GRHL2: variants seen among roughly 807,000 people sequenced by gnomAD.
GRHL2 encodes grainyhead-like protein 2 homolog.
Under a neutral mutation model 83.8 loss-of-function variants are expected in GRHL2, and 21 were observed. That is an observed-to-expected ratio of 0.25 (90% CI 0.18 to 0.36). The LOEUF is 0.36. GRHL2 is among the 10% of genes least tolerant of loss of function. The probability of loss-of-function intolerance (pLI) is 1.00; values close to 1 mark genes in which losing one functional copy is unlikely to be tolerated. For missense variants in GRHL2, 623 were observed against 781.8 expected (o/e 0.80, Z 2.42); for synonymous variants, 280 against 278.9 (o/e 1.00, Z -0.04).
intron 2 of GRHL2, among the ~76,000 whole-genome samples, chr8:101,545,869 C>CTTTTTTTTTTTTTT (rs1563573764): frequency 9.0e-6 from 1 of 111,472 alleles, no homozygotes; most frequent in Non-Finnish European, 1.8e-5. Flanking sequence ...CTCTTTGTAA[C>CTTTTTTTTTTTTTT]ATTTTTTTTT....
chr8:101,636,289 G>A (rs1399866278), intron 11 of GRHL2, among the ~76,000 whole-genome samples: 9 of 152,280 alleles, frequency 5.9e-5, no homozygotes, highest in South Asian at 2.1e-4. Context: ...TTCTGGCCAG[G>A]AACACCTTCC....
At chr8:101,626,805 T>G (rs1444510881) in intron 9 of GRHL2, among the ~76,000 whole-genome samples, 2 of 152,028 alleles carry the variant, frequency 1.3e-5, no homozygotes, top group African/African-American at 4.8e-5. Context: ...TTTCTAAAAG[T>G]CTGAGGTCAC....
chr8:101,674,501 A>T (rs1160392122), downstream of GRHL2, among the ~76,000 whole-genome samples: 3 of 152,164 alleles, frequency 2.0e-5, no homozygotes, highest in African/African-American at 7.2e-5. Flanking sequence ...TCCCAAGACT[A>T]AACCAGGAAG....
At chr8:101,615,750 G>A (rs967570165) in intron 8 of GRHL2, among the ~76,000 whole-genome samples, 117 of 152,210 alleles carry the variant, frequency 7.7e-4, no homozygotes, top group African/African-American at 2.5e-3. Context: ...GAGCACCATC[G>A]TATATTCTCT....
intron 2 of GRHL2, 56 bp from the exon 3 acceptor site, chr8:101,552,659 A>G: frequency 6.5e-7 from 1 of 1,536,268 alleles, no homozygotes. Context: ...TCCAGCTCTG[A>G]ACATGGTCAT....
intron 9 of GRHL2, among the ~76,000 whole-genome samples, chr8:101,620,142 T>A (rs1030008498): frequency 6.6e-6 from 1 of 152,208 alleles, no homozygotes. Context: ...AGAGAGCACG[T>A]GCACAAGCTC....
At chr8:101,582,671 T>G (rs1204301128) in intron 7 of GRHL2, among the ~76,000 whole-genome samples, 1 of 152,084 alleles carries the variant, frequency 6.6e-6, no homozygotes, top group African/African-American at 2.4e-5. Context: ...GAGCTGCAGG[T>G]AGAATGTTAG....
intron 14 of GRHL2, among the ~76,000 whole-genome samples, chr8:101,655,154 C>A (rs1015135812): frequency 2.7e-5 from 4 of 150,030 alleles, no homozygotes; most frequent in Admixed American, 6.6e-5. Context: ...TGCACTCCAG[C>A]CTGGGCAACA....
chr8:101,569,360 A>T (rs1311709041), intron 4 of GRHL2, among the ~76,000 whole-genome samples: 2 of 152,192 alleles, frequency 1.3e-5, no homozygotes, highest in Non-Finnish European at 2.9e-5. Flanking sequence ...GATAATGAAG[A>T]TCCTTAGAGA....
intron 14 of GRHL2, among the ~76,000 whole-genome samples, chr8:101,654,411 T>C (rs574358710): frequency 8.5e-5 from 13 of 152,198 alleles, no homozygotes; most frequent in Non-Finnish European, 1.8e-4. Flanking sequence ...ATGGCAATGA[T>C]GTTGATGATG....
chr8:101,656,873 G>GACACACACACACACACACACACACACAC lies in GRHL2; in HGVS notation c.1698+7380_1698+7407dup, dbSNP rs35693999. Among the ~76,000 whole-genome samples the GACACACACACACACACACACACACACAC allele has an allele frequency of 5.2e-3, 768 of 147,346 alleles. 11 individuals carry two copies. Among genetic ancestry groups the GACACACACACACACACACACACACACAC allele is most frequent in the African/African-American group, 0.016 (607 of 38,930 alleles). ...GTTAGTGTATTTTATGTGTCTAACA[G>GACACACACACACACACACACACACACAC]ACACACACACACACACACACACACA... On this transcript the variant is annotated intron_variant, in intron 14 of 15. Transcript: ENST00000646743.
At chr8:101,571,093 G>A (rs934457483) in intron 5 of GRHL2, among the ~76,000 whole-genome samples, 5 of 152,200 alleles carry the variant, frequency 3.3e-5, no homozygotes, top group Admixed American at 6.5e-5. Context: ...GGAGACAAAT[G>A]TGATGACAGA....
chr8:101,603,714 C>T (rs1291945169), intron 8 of GRHL2, among the ~76,000 whole-genome samples: 1 of 152,174 alleles, frequency 6.6e-6, no homozygotes, highest in African/African-American at 2.4e-5. Flanking sequence ...TGCACAATGA[C>T]ACATGCAGCA....
At chr8:101,629,641 G>A (rs1230117436) in intron 9 of GRHL2, among the ~76,000 whole-genome samples, 2 of 151,886 alleles carry the variant, frequency 1.3e-5, no homozygotes. Flanking sequence ...ATTTATACAG[G>A]TTAACAAATA....
intron 13 of GRHL2, among the ~76,000 whole-genome samples, chr8:101,645,787 G>A (rs1813500646): frequency 6.6e-6 from 1 of 152,196 alleles, no homozygotes; most frequent in African/African-American, 2.4e-5. Context: ...TATCATAACT[G>A]TGGATAAGTA....
At chr8:101,545,443 G>GAAAAA (rs34421761) in intron 2 of GRHL2, among the ~76,000 whole-genome samples, 1 of 58,908 alleles carries the variant, frequency 1.7e-5, no homozygotes, top group Admixed American at 2.3e-4. Context: ...GGGAATTCCT[G>GAAAAA]AAAAAAAAAA....
chr8:101,509,153 C>T (rs375994104), intron 1 of GRHL2, among the ~76,000 whole-genome samples: 1,609 of 19,770 alleles, frequency 0.081, 70 homozygotes, highest in Non-Finnish European at 0.18. Flanking sequence ...TTCCTTCCTT[C>T]CTTCCTTTCT....
chr8:101,600,452 C>T (rs992256310), intron 8 of GRHL2, among the ~76,000 whole-genome samples: 2 of 152,246 alleles, frequency 1.3e-5, no homozygotes, highest in Admixed American at 6.5e-5. Flanking sequence ...CTGAGAACAT[C>T]GTGCTCCTGT....
chr8:101,559,353 CAAAAAAAAAAA>C (rs34176940), intron 4 of GRHL2, among the ~76,000 whole-genome samples: 65 of 88,942 alleles, frequency 7.3e-4, no homozygotes, highest in Admixed American at 1.7e-3. Flanking sequence ...ACTAAAAATA[CAAAAAAAAAAA>C]AAAAAAAAAA....
Sources: gnomAD v4.1 joint callset for allele counts (sites outside exome capture counted in the v4.1 genomes callset) on GRCh38, gnomAD v4.1.1 for gene constraint, MANE v1.5 for transcripts, NCBI Gene and HGNC (gene_info 2026-07-23, HGNC 2026-07-21) for gene names.